The following BAZ2B variants were observed in gnomAD, a reference collection of about 807,000 sequenced individuals.
The protein encoded by BAZ2B is bromodomain adjacent to zinc finger domain protein 2B.
A neutral mutation model predicts 246.0 loss-of-function variants in BAZ2B; 91 were observed. That is an observed-to-expected ratio of 0.37 (90% CI 0.31 to 0.44). The LOEUF (loss-of-function observed/expected upper bound fraction) is 0.44, where lower values mean the gene tolerates loss of function less well. Ranked by LOEUF, BAZ2B falls within the 20% of genes least tolerant of loss-of-function variation. The pLI is 1.00. For missense variants in BAZ2B, 2,332 were observed against 2,533.7 expected, an observed-to-expected ratio of 0.92 and a Z score of 1.71; for synonymous variants, 855 against 860.0, an observed-to-expected ratio of 0.99 and a Z score of 0.10.
intron 1 of BAZ2B, among the ~76,000 whole-genome samples, chr2:159,573,305 G>A (rs2151579307): frequency 6.6e-6 from 1 of 152,270 alleles, no homozygotes; most frequent in East Asian, 1.9e-4. Flanking sequence ...ATGGCTTAAT[G>A]CTAGACCTTT....
chr2:159,466,771 G>A (rs1457693167), intron 3 of BAZ2B, among the ~76,000 whole-genome samples: 1 of 152,152 alleles, frequency 6.6e-6, no homozygotes, highest in Non-Finnish European at 1.5e-5. Context: ...GAAGACTGAT[G>A]TCCTAGATCA....
chr2:159,391,174 A>G (rs1331022370), intron 20 of BAZ2B, among the ~76,000 whole-genome samples: 1 of 152,190 alleles, frequency 6.6e-6, no homozygotes, highest in Non-Finnish European at 1.5e-5. Context: ...CACTAATAGA[A>G]AAAAGCATAT....
chr2:159,603,481 TG>T (rs1206008695), intron 1 of BAZ2B, among the ~76,000 whole-genome samples: 1 of 152,162 alleles, frequency 6.6e-6, no homozygotes, highest in African/African-American at 2.4e-5. Context: ...CTAGTTACAA[TG>T]AAAGAGTATC....
At chr2:159,434,484 CT>C (rs2071810466) in intron 8 of BAZ2B, 1 of 152,022 alleles carries the variant, frequency 6.6e-6, no homozygotes, top group African/African-American at 2.4e-5. Context: ...AAGTTGGTGA[CT>C]ATATGTACTC....
intron 27 of BAZ2B, among the ~76,000 whole-genome samples, chr2:159,358,795 A>G (rs2059383909): frequency 6.6e-6 from 1 of 152,240 alleles, no homozygotes; most frequent in Non-Finnish European, 1.5e-5. Flanking sequence ...ATTAGAACTC[A>G]GGGTTAAGAA....
Position 159,438,540 on chromosome 2 carries a change from C to G in BAZ2B, c.1056G>C (p.Gln352His). ...SQQKQPQVLS[Q>H]QLPFIFQSSQ... ...AGCTTTGGAAAATAAATGGAAGCTGCTGTGACAAAACCTGAGGCTGCTTCT... is the reference window on the plus strand; with the variant it reads ...AGCTTTGGAAAATAAATGGAAGCTGGTGTGACAAAACCTGAGGCTGCTTCT... Residue 352 changes from glutamine to histidine, a missense_variant, in exon 8 of 37, where the codon CAG (glutamine) becomes CAC (histidine). Physicochemically the swap from Gln to His is conservative, Grantham distance 24. Transcript: ENST00000392783. 6.2e-7 allele frequency: 1 copy of G among 1,614,134 alleles called. No homozygotes were observed. Among genetic ancestry groups the G allele is most frequent in the South Asian group, 1.1e-5 (1 of 91,088 alleles).
chr2:159,360,703 C>G (rs1006059339), intron 27 of BAZ2B, among the ~76,000 whole-genome samples: 1 of 152,148 alleles, frequency 6.6e-6, no homozygotes, highest in Non-Finnish European at 1.5e-5. Context: ...TCAAACTATG[C>G]TACAAGGCTA....
At chr2:159,354,956 C>T (rs1326143542) in intron 27 of BAZ2B, among the ~76,000 whole-genome samples, 2 of 152,196 alleles carry the variant, frequency 1.3e-5, no homozygotes, top group East Asian at 3.9e-4. Context: ...GCAAAGTTTG[C>T]TACTGGAAAG....
intron 1 of BAZ2B, among the ~76,000 whole-genome samples, chr2:159,599,519 G>C (rs1248796958): frequency 6.6e-6 from 1 of 152,134 alleles, no homozygotes; most frequent in Admixed American, 6.5e-5. Context: ...TCAGGAGGCT[G>C]AGACAGGAGA....
chr2:159,330,351 A>C (rs1420918233), intron 34 of BAZ2B, among the ~76,000 whole-genome samples: 1 of 152,190 alleles, frequency 6.6e-6, no homozygotes, highest in African/African-American at 2.4e-5. Flanking sequence ...ATTTGAGAAG[A>C]AGCAAAGACT....
At chr2:159,481,029 G>A (rs2079164441) in intron 2 of BAZ2B, among the ~76,000 whole-genome samples, 1 of 151,394 alleles carries the variant, frequency 6.6e-6, no homozygotes, top group South Asian at 2.1e-4. Flanking sequence ...ACCAAAAATT[G>A]GGTCAACTAC....
chr2:159,466,230 A>G (rs1174539564), intron 3 of BAZ2B, among the ~76,000 whole-genome samples: 3 of 152,340 alleles, frequency 2.0e-5, no homozygotes, highest in East Asian at 1.9e-4. Context: ...CCTGTAGCTT[A>G]TGATGCCCAT....
chr2:159,531,322 T>C (rs1044528676), intron 2 of BAZ2B, among the ~76,000 whole-genome samples: 4 of 152,222 alleles, frequency 2.6e-5, no homozygotes, highest in South Asian at 2.1e-4. Context: ...CTAAAAAAAA[T>C]TTTTTTCGAT....
At chr2:159,326,827 G>GA (rs951107166) in intron 34 of BAZ2B, among the ~76,000 whole-genome samples, 4 of 151,732 alleles carry the variant, frequency 2.6e-5, no homozygotes, top group African/African-American at 9.7e-5. Context: ...TATTCATAGA[G>GA]AAAAAAAATC....
chr2:159,353,511 G>A (rs2058771726), intron 27 of BAZ2B, among the ~76,000 whole-genome samples: 1 of 152,242 alleles, frequency 6.6e-6, no homozygotes. Flanking sequence ...AGCTCAGGGA[G>A]ACAAAAGTGG....
chr2:159,527,534 T>C (rs903893616), intron 2 of BAZ2B, among the ~76,000 whole-genome samples: 1 of 152,222 alleles, frequency 6.6e-6, no homozygotes, highest in Non-Finnish European at 1.5e-5. Flanking sequence ...CCAAGTTTTG[T>C]CTTGTAGGTT....
At chr2:159,328,069 CGAAA>C (rs142980746) in intron 34 of BAZ2B, among the ~76,000 whole-genome samples, 75,300 of 110,964 alleles carry the variant, frequency 0.68, 22,276 homozygotes, top group Admixed American at 0.74. Flanking sequence ...AGCCTCAAAA[CGAAA>C]AAAAAAAAAA....
In BAZ2B at chr2:159,349,137, C is replaced by G; in HGVS notation, c.5007G>C (p.Leu1669Phe). 1 of 1,614,020 alleles carries G rather than the reference C, an allele frequency of 6.2e-7. No individual in the cohort carries two copies. The highest frequency in any genetic ancestry group is 8.5e-7 in the Non-Finnish European group (1 of 1,179,978). Reference protein sequence around the residue: ...GLSEGNGNSFLTSNVASSKSE... With the variant: ...GLSEGNGNSFFTSNVASSKSE... ...TTTTACTTGAAGCAACATTGGAAGT[C>G]AAGAATGAATTACCATTTCCTTCTG... Residue 1669 changes from leucine to phenylalanine, a missense_variant, in exon 29 of 37, where the codon TTG (leucine) becomes TTC (phenylalanine). Around this residue, in one of 9 missense-constraint regions of BAZ2B, gnomAD observed 676 missense variants for 668.6 expected, o/e 1.01. Transcript: ENST00000392783.
intron 2 of BAZ2B, among the ~76,000 whole-genome samples, chr2:159,480,282 T>A (rs1417006220): frequency 6.6e-6 from 1 of 152,142 alleles, no homozygotes; most frequent in Non-Finnish European, 1.5e-5. Context: ...TAAAAAAATT[T>A]GCCTTTGTAC....
Sources: gnomAD v4.1 joint callset for allele counts (sites outside exome capture counted in the v4.1 genomes callset) on GRCh38, gnomAD v4.1.1 for gene constraint, gnomAD v4.1.1 regional missense constraint, MANE v1.5 for transcripts, NCBI Gene and HGNC (gene_info 2026-07-23, HGNC 2026-07-21) for gene names.